The following DNMT1 variants were observed in gnomAD, a reference collection of about 807,000 sequenced individuals.
DNMT1 encodes the protein DNA (cytosine-5)-methyltransferase 1.
A neutral mutation model predicts 205.3 loss-of-function variants in DNMT1; 24 were observed. The ratio of observed to expected loss-of-function variants is 0.12; its 90% CI spans 0.08 to 0.16. The LOEUF (loss-of-function observed/expected upper bound fraction) is 0.16, where lower values mean the gene tolerates loss of function less well. Among genes scored for constraint, DNMT1 ranks in the 10% least tolerant of loss-of-function variants. The pLI, the probability that DNMT1 is intolerant of heterozygous loss-of-function variation, is 1.00. For missense variants in DNMT1, 1,293 were observed against 2,177.7 expected, an observed-to-expected ratio of 0.59 and a Z score of 8.09; for synonymous variants, 817 against 839.8, an observed-to-expected ratio of 0.97 and a Z score of 0.47.
At chr19:10,134,859 GAA>G (rs58533694) in intron 39 of DNMT1, among the ~76,000 whole-genome samples, 11 of 118,790 alleles carry the variant, frequency 9.3e-5, no homozygotes, top group Admixed American at 5.3e-4. Flanking sequence ...CCCTGTCTCA[GAA>G]AAAAAAAAAA....
chr19:10,161,510 A>G (rs1329995084), intron 13 of DNMT1, among the ~76,000 whole-genome samples: 1 of 151,946 alleles, frequency 6.6e-6, no homozygotes, highest in East Asian at 1.9e-4. Flanking sequence ...AACTGGGTGT[A>G]GTGCCATCTG....
intron 5 of DNMT1, among the ~76,000 whole-genome samples, 166 bp from the exon 6 acceptor site, chr19:10,177,533 T>C (rs935618206): frequency 3.9e-4 from 60 of 152,160 alleles, no homozygotes; most frequent in African/African-American, 1.4e-3. Context: ...CTTGCTAATG[T>C]TGGCAGTTAG....
At chr19:10,162,637 A>AG (rs2038594239) in intron 13 of DNMT1, 30 bp downstream of exon 13, 1 of 1,557,612 alleles carries the variant, frequency 6.4e-7, no homozygotes, top group Non-Finnish European at 8.7e-7. Context: ...AAAAAAAAAA[A>AG]AAAGAAAGAA....
intron 11 of DNMT1, among the ~76,000 whole-genome samples, chr19:10,164,097 A>G (rs1168874886): frequency 2.0e-5 from 3 of 152,156 alleles, no homozygotes; most frequent in Admixed American, 6.6e-5. Flanking sequence ...TTGGTCAGAG[A>G]TGCCAGTGGT....
chr19:10,136,112 C>G lies in DNMT1; in HGVS notation c.4656+9G>C. The G allele has an allele frequency of 1.2e-6, 2 of 1,613,940 alleles. No individual in the cohort carries two copies. Among genetic ancestry groups the G allele is most frequent in the Non-Finnish European group, 1.7e-6 (2 of 1,180,034 alleles). ...GACCCAGGCCCTCGGATGCCCCCTC[C>G]CCACCTACCTGCTTGCCCATGGGCT... On this transcript the variant is annotated intron_variant, in intron 38 of 40. Transcript: ENST00000359526.
chr19:10,180,017 AAGAG>A, intron 5 of DNMT1, 166 bp downstream of exon 5: 1 of 273,192 alleles, frequency 3.7e-6, no homozygotes. Flanking sequence ...GAAAGAAAGA[AAGAG>A]AGTTAAGCAG....
intron 11 of DNMT1, 120 bp downstream of exon 11, chr19:10,166,478 C>T (rs981794590): frequency 1.9e-5 from 23 of 1,229,036 alleles, no homozygotes; most frequent in Admixed American, 7.5e-5. Flanking sequence ...TGGATGGCCC[C>T]ATGGAGCCTG....
Position 10,173,892 on chromosome 19 carries a change from C to G in DNMT1, c.662G>C (p.Arg221Pro), listed in dbSNP as rs747469397. ...TTACCGTTCTCTGGATGTAACTCTA[C>G]GTCTCTTCTCATCCTGTGTGGAGGG... ...EEDKDQDEKR[R>P]RVTSRERVAR... Residue 221 changes from arginine (R) to proline (P), a missense_variant, in exon 8 of 41, where the codon CGT becomes CCT. Around this residue, in one of 13 missense-constraint regions of DNMT1, gnomAD observed 394 missense variants for 451.6 expected, o/e 0.87. Coordinates refer to ENST00000359526, the MANE Select transcript of DNMT1 (RefSeq NM_001130823.3). 1.2e-6 allele frequency: 2 copies of G among 1,613,934 alleles called. No homozygotes were observed. Among genetic ancestry groups the G allele is most frequent in the Non-Finnish European group, 1.7e-6 (2 of 1,179,880 alleles).
At chr19:10,150,861 G>A (rs1028421982) in intron 24 of DNMT1, among the ~76,000 whole-genome samples, 1 of 152,174 alleles carries the variant, frequency 6.6e-6, no homozygotes, top group African/African-American at 2.4e-5. Flanking sequence ...GGGAGGCTGA[G>A]GTGGGTGGAT....
Position 10,154,719 on chromosome 19 carries a change from G to A in DNMT1, c.1699C>T (p.Leu567=). 6.2e-7 allele frequency: 1 copy of A among 1,614,242 alleles called. No homozygotes were observed. The highest frequency in any genetic ancestry group is 1.6e-4 in the Middle Eastern group (1 of 6,062). Residue 567 remains leucine, a synonymous_variant, in exon 21 of 41, where the codon CTG becomes TTG. Transcript: ENST00000359526. The surrounding 1 kb of genome is among the most constrained non-coding windows in gnomAD (Gnocchi z 6.3). ...TCCACCACAAACTGCGCGTGTCGCA[G>A]GAGGGAGTCCTCTGTGAAGCGGTTC... ...NLNRFTEDSL[L]RHAQFVVEQV... is the part of the protein sequence containing the mutation.
intron 2 of DNMT1, 60 bp from the exon 3 acceptor site, chr19:10,180,945 A>G (rs560970485): frequency 1.4e-6 from 2 of 1,388,698 alleles, no homozygotes; most frequent in Non-Finnish European, 2.0e-6. Context: ...CTAGTGGACT[A>G]ATACACAAAT....
chr19:10,146,850 C>T lies in DNMT1; in HGVS notation c.2721-326G>A, dbSNP rs1020107474. Among the ~76,000 whole-genome samples the T allele has an allele frequency of 6.6e-6, 1 of 152,168 alleles. No individual in the cohort carries two copies. The highest frequency in any genetic ancestry group is 1.5e-5 in the Non-Finnish European group (1 of 68,030). On this transcript the variant is annotated intron_variant, in intron 27 of 40. Transcript: ENST00000359526. The surrounding 1 kb of genome is among the most constrained non-coding windows in gnomAD (Gnocchi z 4.4). ...GTCCCGAGTGGCTCAGTGAGGAACT[C>T]AATCCAGCAGAGACTCCTACTGTTC...
intron 39 of DNMT1, among the ~76,000 whole-genome samples, chr19:10,134,859 G>GA (rs58533694): frequency 0.011 from 1,359 of 118,748 alleles, 21 homozygotes; most frequent in African/African-American, 0.033. Flanking sequence ...CCCTGTCTCA[G>GA]AAAAAAAAAA....
At chr19:10,150,405 C>A (rs1234126734) in intron 24 of DNMT1, among the ~76,000 whole-genome samples, 1 of 152,204 alleles carries the variant, frequency 6.6e-6, no homozygotes, top group African/African-American at 2.4e-5. Flanking sequence ...AGCTCTCCCC[C>A]AGGTCGTGTG....
intron 27 of DNMT1, 89 bp downstream of exon 27, chr19:10,148,795 C>A: frequency 1.2e-6 from 2 of 1,607,398 alleles, no homozygotes; most frequent in Non-Finnish European, 1.7e-6. Context: ...GGGCCGTTGG[C>A]GGAAGCCAAC....
At chr19:10,160,722 A>T (rs1281105658) in intron 13 of DNMT1, among the ~76,000 whole-genome samples, 1 of 151,890 alleles carries the variant, frequency 6.6e-6, no homozygotes, top group Non-Finnish European at 1.5e-5. Flanking sequence ...TGGCGAAATC[A>T]CGTCTCTACC....
chr19:10,144,007 T>G lies in DNMT1; in HGVS notation c.2895-20A>C. On this transcript the variant is annotated intron_variant, in intron 28 of 40. Coordinates refer to ENST00000359526, the MANE Select transcript of DNMT1 (RefSeq NM_001130823.3). ...TTGATGCTGCAGAGAAGCACCCACT[T>G]GACATCAATGAACCTTCCACCTTGC... is the stretch of plus-strand genomic sequence containing the variant. 6.2e-7 allele frequency: 1 copy of G among 1,612,292 alleles called. No homozygotes were observed. The highest frequency in any genetic ancestry group is 1.1e-5 in the South Asian group (1 of 91,012).
In DNMT1 at chr19:10,154,483, C is replaced by T. The variant is rs753887750; in HGVS notation, c.1833-4G>A. 1.7e-5 allele frequency: 27 copies of T among 1,614,074 alleles called. No individual in the cohort carries two copies. In the East Asian group the frequency reaches 1.8e-4, roughly 11 times the overall value. ...CTGCCGCCTCGCCTGGGCTCGCCTACGGGAGAGGTTCCAGCATCTCAGAGG... is the reference window on the plus strand; with the variant it reads ...CTGCCGCCTCGCCTGGGCTCGCCTATGGGAGAGGTTCCAGCATCTCAGAGG... On this transcript the variant is annotated splice_region_variant and splice_polypyrimidine_tract_variant and intron_variant, in intron 21 of 40. Transcript: ENST00000359526. This position sits in a 1 kb window ranked among gnomAD's most constrained non-coding sequence, Gnocchi z 6.3.
intron 6 of DNMT1, 23 bp downstream of exon 6, chr19:10,177,269 C>A: frequency 1.2e-6 from 2 of 1,612,840 alleles, no homozygotes; most frequent in African/African-American, 2.7e-5. Flanking sequence ...AAAAAGGCAG[C>A]CGCCAATTTA....
Sources: allele counts gnomAD v4.1 joint callset (sites outside exome capture counted in the v4.1 genomes callset), GRCh38; gene constraint gnomAD v4.1.1; regional missense constraint gnomAD v4.1.1; non-coding constraint Gnocchi (gnomAD v3.1); transcripts MANE v1.5; gene names NCBI Gene and HGNC (gene_info 2026-07-23, HGNC 2026-07-21).